Variants in CHM observed in about 807,000 individuals in gnomAD.
CHM encodes the protein CHM Rab escort protein.
A neutral mutation model predicts 49.0 loss-of-function variants in CHM; 10 were observed. The observed-to-expected ratio is 0.20, with a 90% CI of 0.13 to 0.35. The LOEUF (loss-of-function observed/expected upper bound fraction) is 0.35, where lower values mean the gene tolerates loss of function less well. CHM is among the 10% of genes least tolerant of loss of function. CHM has a pLI of 1.00. For missense variants in CHM, 455 were observed against 478.4 expected (o/e 0.95, Z 0.46); for synonymous variants, 184 against 167.5 (o/e 1.10, Z -0.76).
In CHM at chrX:85,864,318, C is replaced by G. The variant is rs1171968751; in HGVS notation, c.*312G>C. The stretch of plus-strand genomic sequence containing the variant: ...GTGGTAAGCAAAATTGTCCTAAGAC[C>G]ATGGAATTATTAACAATGCATAGGA... On this transcript the variant is annotated 3_prime_UTR_variant, in exon 15 of 15. Transcript: ENST00000357749. The G allele has an allele frequency of 2.7e-5, 7 of 257,944 alleles. No individual in the cohort carries two copies. Among genetic ancestry groups the G allele is most frequent in the Non-Finnish European group, 4.9e-5 (7 of 144,162 alleles). The allele number at this position is 257,944 out of a possible 1,213,427, so 21.3% of individuals were successfully genotyped here.
intron 8 of CHM, among the ~76,000 whole-genome samples, chrX:85,948,742 A>T (rs1295664169): frequency 1.8e-5 from 2 of 112,085 alleles, no homozygotes; most frequent in Non-Finnish European, 3.8e-5. Context: ...GGTGGTTAGA[A>T]ATCACAGAAC....
chrX:85,895,922 CTT>C (rs370685805), intron 11 of CHM, among the ~76,000 whole-genome samples: 3 of 102,799 alleles, frequency 2.9e-5, no homozygotes, highest in Admixed American at 1.1e-4. Flanking sequence ...CGACTATCAC[CTT>C]TTTTTTTTTA....
chrX:85,908,792 T>G (rs750180145), intron 9 of CHM, among the ~76,000 whole-genome samples: 1 of 111,684 alleles, frequency 9.0e-6, no homozygotes, highest in South Asian at 3.8e-4. Context: ...GAAGACTGTG[T>G]GCTATTTAAT....
chrX:85,993,995 G>A (rs1932328625), intron 2 of CHM, among the ~76,000 whole-genome samples: 1 of 111,706 alleles, frequency 9.0e-6, no homozygotes, highest in Admixed American at 9.6e-5. Flanking sequence ...AATGCTTCCT[G>A]TGACTAGACT....
chrX:85,984,559 T>TAA (rs1931807384), intron 2 of CHM, among the ~76,000 whole-genome samples: 2 of 111,904 alleles, frequency 1.8e-5, no homozygotes, highest in Middle Eastern at 4.6e-3. Flanking sequence ...TTTTAATAAA[T>TAA]AAATATATAC....
At chrX:86,011,964 C>T (rs765993614) in intron 2 of CHM, among the ~76,000 whole-genome samples, 75 of 111,974 alleles carry the variant, frequency 6.7e-4, no homozygotes, top group Admixed American at 1.3e-3. Context: ...GACTTCGTCC[C>T]CGTAAGACTC....
chrX:85,946,342 G>A (rs545894150), intron 8 of CHM, among the ~76,000 whole-genome samples: 6 of 112,228 alleles, frequency 5.3e-5, no homozygotes, highest in Non-Finnish European at 7.5e-5. Context: ...AGAGAACTTC[G>A]AGGCAGCCCC....
At chrX:85,887,428 G>C (rs897246212) in intron 12 of CHM, among the ~76,000 whole-genome samples, 14 of 111,787 alleles carry the variant, frequency 1.3e-4, no homozygotes, top group Non-Finnish European at 1.9e-4. Context: ...GGAACTGTAA[G>C]TCCATTATAA....
intron 3 of CHM, 71 bp from the exon 4 acceptor site, chrX:85,978,962 T>G (rs1028554985): frequency 9.5e-6 from 10 of 1,052,926 alleles, no homozygotes; most frequent in African/African-American, 1.9e-5. Flanking sequence ...CTGAGAAAAT[T>G]TACCTCTTGT....
intron 2 of CHM, among the ~76,000 whole-genome samples, chrX:86,000,218 C>A (rs951810385): frequency 2.9e-5 from 3 of 102,179 alleles, no homozygotes; most frequent in African/African-American, 1.1e-4. Flanking sequence ...AATTACATTT[C>A]TTGAGTTCAG....
At chrX:85,961,302 C>A (rs2147671332) in intron 5 of CHM, among the ~76,000 whole-genome samples, 1 of 107,659 alleles carries the variant, frequency 9.3e-6, no homozygotes, top group Admixed American at 1.0e-4. Flanking sequence ...CGCCTGTAGT[C>A]CTAGCTACTC....
intron 2 of CHM, among the ~76,000 whole-genome samples, chrX:86,005,495 C>G (rs1055147767): frequency 1.8e-5 from 2 of 110,965 alleles, no homozygotes; most frequent in African/African-American, 3.3e-5. Context: ...TTGAAAAGAT[C>G]AACAAAATTG....
At chrX:85,978,647 A>T (rs1931418124) in intron 4 of CHM, 120 bp downstream of exon 4, 3 of 697,100 alleles carry the variant, frequency 4.3e-6, no homozygotes, top group African/African-American at 2.2e-5. Flanking sequence ...AACAGGCAAA[A>T]CCAGCATATT....
chrX:85,942,590 T>C (rs1260865986), intron 8 of CHM, among the ~76,000 whole-genome samples: 2 of 111,049 alleles, frequency 1.8e-5, no homozygotes, highest in East Asian at 5.7e-4. Flanking sequence ...GGATAGTATG[T>C]TGTGATTCAA....
chrX:85,994,284 CA>C (rs1438627908), intron 2 of CHM, among the ~76,000 whole-genome samples: 1 of 111,822 alleles, frequency 8.9e-6, no homozygotes, highest in African/African-American at 3.3e-5. Context: ...AAGTTATCAA[CA>C]GCATCATCAC....
intron 12 of CHM, among the ~76,000 whole-genome samples, chrX:85,883,799 T>A (rs1281770777): frequency 9.0e-6 from 1 of 110,651 alleles, no homozygotes; most frequent in Non-Finnish European, 1.9e-5. Context: ...ATTACATACA[T>A]CATATATATA....
intron 2 of CHM, among the ~76,000 whole-genome samples, chrX:86,003,611 G>A (rs985731558): frequency 2.7e-5 from 3 of 111,971 alleles, no homozygotes; most frequent in Non-Finnish European, 3.8e-5. Context: ...ACTTCATGAC[G>A]CATGCACAAG....
intron 12 of CHM, among the ~76,000 whole-genome samples, chrX:85,884,482 GTAGT>G (rs1451346239): frequency 2.7e-5 from 3 of 111,042 alleles, no homozygotes; most frequent in Non-Finnish European, 5.7e-5. Context: ...GGTTAGTCAA[GTAGT>G]TAGTAAAAAC....
chrX:86,041,477 AT>A (rs1418452344), intron 1 of CHM, among the ~76,000 whole-genome samples: 1 of 109,682 alleles, frequency 9.1e-6, no homozygotes, highest in East Asian at 2.9e-4. Flanking sequence ...TATACCTCAA[AT>A]AAGACCGATA....
Sources: gnomAD v4.1 joint callset for allele counts (sites outside exome capture counted in the v4.1 genomes callset) on GRCh38, gnomAD v4.1.1 for gene constraint, MANE v1.5 for transcripts, NCBI Gene and HGNC (gene_info 2026-07-23, HGNC 2026-07-21) for gene names.